CUX1: variants seen among roughly 807,000 people sequenced by gnomAD.
The protein encoded by CUX1 is cut like homeobox 1.
A neutral mutation model predicts 158.8 loss-of-function variants in CUX1; 31 were observed. The observed-to-expected ratio is 0.20, with a 90% confidence interval of 0.15 to 0.26. The LOEUF is 0.26. CUX1 is among the 10% of genes least tolerant of loss of function. The pLI is 1.00. For synonymous variants in CUX1, 879 were observed against 862.1 expected (o/e 1.02, Z -0.34); for missense variants, 1,589 against 2,014.6 (o/e 0.79, Z 4.04).
intron 8 of CUX1, among the ~76,000 whole-genome samples, chr7:102,158,291 A>G (rs1338116052): frequency 6.6e-6 from 1 of 151,988 alleles, no homozygotes; most frequent in East Asian, 1.9e-4. Context: ...TGTATTTTAT[A>G]TTTTTATGGT....
chr7:102,247,537 A>G (rs1259820316), intron 23 of CUX1, among the ~76,000 whole-genome samples: 3 of 152,142 alleles, frequency 2.0e-5, no homozygotes, highest in African/African-American at 4.8e-5. Flanking sequence ...CTCGATAAGA[A>G]CCCTGGCCAG....
intron 2 of CUX1, among the ~76,000 whole-genome samples, chr7:102,026,313 G>A (rs775639182): frequency 5.3e-5 from 8 of 152,104 alleles, no homozygotes; most frequent in Non-Finnish European, 8.8e-5. Context: ...TGTGGCTAGG[G>A]TAACTAAGAA....
At chr7:102,240,902 C>T (rs555866696) in intron 23 of CUX1, among the ~76,000 whole-genome samples, 1 of 152,276 alleles carries the variant, frequency 6.6e-6, no homozygotes, top group Admixed American at 6.5e-5. Context: ...CTCACTGCAG[C>T]CTCCTTCTCC....
intron 1 of CUX1, among the ~76,000 whole-genome samples, chr7:101,877,674 G>A (rs1029929206): frequency 3.3e-5 from 5 of 151,616 alleles, no homozygotes; most frequent in African/African-American, 1.2e-4. Flanking sequence ...GTGACAGAAC[G>A]AGACTCTGTT....
chr7:102,160,365 C>T (rs1387753392), intron 9 of CUX1, among the ~76,000 whole-genome samples: 1 of 151,970 alleles, frequency 6.6e-6, no homozygotes, highest in Non-Finnish European at 1.5e-5. Context: ...ACGGGAGAGC[C>T]TTATCCTGTG....
chr7:102,043,205 T>C (rs432002), intron 3 of CUX1, among the ~76,000 whole-genome samples: 133,517 of 152,108 alleles, frequency 0.88, 58,943 homozygotes, highest in East Asian at 0.99. Flanking sequence ...CCCACCTCAT[T>C]CTCCCAAAGT....
At chr7:102,270,722 C>G (rs537659191) in intron 14 of CUX1, among the ~76,000 whole-genome samples, 1 of 152,380 alleles carries the variant, frequency 6.6e-6, no homozygotes, top group East Asian at 1.9e-4. Context: ...AGAGCATCTG[C>G]AGCAGCGCCA....
intron 3 of CUX1, among the ~76,000 whole-genome samples, chr7:102,068,133 C>T (rs1825751406): frequency 6.6e-6 from 1 of 151,518 alleles, no homozygotes; most frequent in Admixed American, 6.6e-5. Context: ...GCTGTGTTGC[C>T]CAGGCTGGAG....
At chr7:101,968,229 A>T (rs1225334291) in intron 2 of CUX1, among the ~76,000 whole-genome samples, 3 of 152,100 alleles carry the variant, frequency 2.0e-5, no homozygotes, top group South Asian at 4.1e-4. Context: ...TTTGTCTTTT[A>T]AAAAATCTTC....
At position 102,201,324 on chromosome 7, in the gene CUX1, G is replaced by A. The variant is rs782646262; in HGVS notation, c.2063-36G>A. ...AGCATGTCCCCAGCTGAAGGGGGCC[G>A]CCCTGCCACACTCTCACCCCTGTTT... On this transcript the variant is annotated intron_variant, in intron 17 of 23. Transcript: ENST00000292535. This position sits in a 1 kb window ranked among gnomAD's most constrained non-coding sequence, Gnocchi z 5.0. 97 of 1,593,482 alleles carry A rather than the reference G, an allele frequency of 6.1e-5. No homozygotes were observed. The highest frequency in any genetic ancestry group is 1.0e-4 in the Admixed American group (6 of 59,064).
In CUX1 at chr7:102,283,324, A is replaced by G. The variant is rs1792255642; in HGVS notation, c.*234A>G. On this transcript the variant is annotated 3_prime_UTR_variant, in exon 23 of 23. Coordinates refer to the CUX1 transcript ENST00000292538. ...CCAATGCCCGGCCAGGCTAAGCCGC[A>G]GAGACCCTCTCAGCCCCCACCTCAG... 5.4e-6 allele frequency: 3 copies of G among 553,832 alleles called. No homozygotes were observed. In the East Asian group the frequency reaches 9.0e-5, roughly 17 times the overall value. The allele number at this position is 553,832 out of a possible 1,614,324, so 34.3% of individuals were successfully genotyped here.
intron 2 of CUX1, among the ~76,000 whole-genome samples, chr7:101,945,215 G>A (rs1044550112): frequency 6.6e-6 from 1 of 152,100 alleles, no homozygotes; most frequent in African/African-American, 2.4e-5. Context: ...GGGCCTGTGT[G>A]CAGCGGCTTC....
At chr7:102,204,354 C>T in intron 18 of CUX1, 37 bp from the exon 19 acceptor site, 3 of 1,608,454 alleles carry the variant, frequency 1.9e-6, no homozygotes, top group South Asian at 2.2e-5. Context: ...TGCTAATAGC[C>T]AGGCACTGAT....
At chr7:102,240,994 T>C (rs2132513483) in intron 23 of CUX1, among the ~76,000 whole-genome samples, 1 of 152,286 alleles carries the variant, frequency 6.6e-6, no homozygotes, top group African/African-American at 2.4e-5. Context: ...CTAATTTTTG[T>C]ATTTTTAGTA....
At chr7:101,870,825 A>G (rs1798445862) in intron 1 of CUX1, among the ~76,000 whole-genome samples, 1 of 152,186 alleles carries the variant, frequency 6.6e-6, no homozygotes, top group African/African-American at 2.4e-5. Flanking sequence ...GACAGTATAG[A>G]GTTTTGCCTT....
intron 8 of CUX1, among the ~76,000 whole-genome samples, chr7:102,137,962 G>GA (rs1554499170): frequency 2.0e-5 from 3 of 152,130 alleles, no homozygotes; most frequent in Non-Finnish European, 4.4e-5. Flanking sequence ...AAGGCAGAAG[G>GA]ATCACTTGAA....
chr7:102,070,344 T>C lies in CUX1; in HGVS notation c.195T>C (p.Asp65=). ...TTTCTTTCCTTCCCTTTCAGATTGATGCACTGAGTAAAAGAAGCAAGGAAG... is the reference window on the plus strand; with the variant it reads ...TTTCTTTCCTTCCCTTTCAGATTGACGCACTGAGTAAAAGAAGCAAGGAAG... ...PLLKSFQGEI[D]ALSKRSKEAE... is the part of the protein sequence containing the mutation. Residue 65 remains aspartate (D), a synonymous_variant, in exon 4 of 24, where the codon GAT becomes GAC. Transcript: ENST00000292535. 1 of 1,608,678 alleles carries C rather than the reference T, an allele frequency of 6.2e-7. No individual in the cohort carries two copies. The highest frequency in any genetic ancestry group is 8.5e-7 in the Non-Finnish European group (1 of 1,178,730).
intron 7 of CUX1, among the ~76,000 whole-genome samples, chr7:102,112,870 T>C (rs185382363): frequency 8.2e-4 from 125 of 152,330 alleles, no homozygotes; most frequent in Admixed American, 2.0e-3. Flanking sequence ...ATGTATTTCA[T>C]TTAAATGTAT....
intron 3 of CUX1, among the ~76,000 whole-genome samples, chr7:102,038,231 G>A (rs1268857179): frequency 2.6e-5 from 4 of 152,204 alleles, no homozygotes; most frequent in African/African-American, 9.7e-5. Context: ...TCCAGAATGT[G>A]AAGCATACTG....
Sources: gnomAD v4.1 joint callset for allele counts (sites outside exome capture counted in the v4.1 genomes callset) on GRCh38, gnomAD v4.1.1 for gene constraint, Gnocchi (gnomAD v3.1) non-coding constraint, MANE v1.5 for transcripts, NCBI Gene and HGNC (gene_info 2026-07-23, HGNC 2026-07-21) for gene names.